The following ERBB2 variants were observed in gnomAD, a reference collection of about 807,000 sequenced individuals.
ERBB2 encodes receptor tyrosine-protein kinase erbB-2.
In ERBB2, 61 loss-of-function variants were observed where a neutral mutation model predicts 149.0. The ratio of observed to expected loss-of-function variants is 0.41; its 90% CI spans 0.33 to 0.51. The LOEUF is 0.51. Among genes scored for constraint, ERBB2 ranks in the 20% least tolerant of loss-of-function variants. The pLI, the probability that ERBB2 is intolerant of heterozygous loss-of-function variation, is 0.25. For synonymous variants in ERBB2, 633 were observed against 678.8 expected, an observed-to-expected ratio of 0.93 and a Z score of 1.05; for missense variants, 1,205 against 1,655.1, an observed-to-expected ratio of 0.73 and a Z score of 4.72.
intron 1 of ERBB2, among the ~76,000 whole-genome samples, chr17:39,700,789 G>A (rs2058059032): frequency 6.6e-6 from 1 of 152,064 alleles, no homozygotes; most frequent in South Asian, 2.1e-4. Context: ...GACGATTTTG[G>A]TTTGGTTGCT....
upstream of ERBB2, chr17:39,699,489 A>T: frequency 1.3e-6 from 2 of 1,484,896 alleles, no homozygotes; most frequent in Admixed American, 4.7e-5. Context: ...TTTCGATGTG[A>T]CTGTCTCCTC....
At chr17:39,710,235 A>C in intron 6 of ERBB2, 34 bp downstream of exon 6, 1 of 1,607,908 alleles carries the variant, frequency 6.2e-7, no homozygotes, top group Non-Finnish European at 8.5e-7. Flanking sequence ...AATGTGCTCT[A>C]CCCCCCAGGA....
At chr17:39,702,378 G>A (rs1251513783) in intron 1 of ERBB2, among the ~76,000 whole-genome samples, 2 of 152,232 alleles carry the variant, frequency 1.3e-5, no homozygotes, top group East Asian at 1.9e-4. Context: ...GAATGTGGGG[G>A]AAGGGGAGGC....
chr17:39,712,119 C>G (rs2058835929), intron 8 of ERBB2, 72 bp downstream of exon 8: 1 of 1,605,500 alleles, frequency 6.2e-7, no homozygotes, highest in Non-Finnish European at 8.5e-7. Flanking sequence ...CCCAGCCCAC[C>G]CTGTCCTATC....
intron 1 of ERBB2, among the ~76,000 whole-genome samples, chr17:39,702,001 G>A (rs1206168947): frequency 6.6e-6 from 1 of 152,176 alleles, no homozygotes; most frequent in Non-Finnish European, 1.5e-5. Flanking sequence ...TTGCTGCAGA[G>A]CTGGATTTGA....
chr17:39,706,996 C>T lies in ERBB2; in HGVS notation c.80C>T (p.Thr27Ile), dbSNP rs1365546088. ...PPGAASTQVC[T>I]GTDMKLRLPA... is the part of the protein sequence containing the mutation. ...ATCTGCTCTCTCCTGCCAGTGTGCACCGGCACAGACATGAAGCTGCGGCTC... is the reference window on the plus strand; with the variant it reads ...ATCTGCTCTCTCCTGCCAGTGTGCATCGGCACAGACATGAAGCTGCGGCTC... Residue 27 changes from threonine (T) to isoleucine (I), a missense_variant, in exon 2 of 27, where the codon ACC becomes ATC. Thr to Ile is a moderately conservative substitution (Grantham distance 89). Coordinates refer to ENST00000269571, the MANE Select transcript of ERBB2 (RefSeq NM_004448.4). The T allele has an allele frequency of 2.5e-6, 4 of 1,581,796 alleles. No homozygotes were observed. The highest frequency in any genetic ancestry group is 1.4e-5 in the African/African-American group (1 of 73,792).
At chr17:39,698,576 C>T (rs569003671), upstream of ERBB2, among the ~76,000 whole-genome samples, 5 of 151,962 alleles carry the variant, frequency 3.3e-5, no homozygotes, top group Admixed American at 1.3e-4. Context: ...AGATTTGAAC[C>T]CAGGTCCTCT....
Position 39,709,967 on chromosome 17 carries a change from G to T in ERBB2, c.643+86G>T, listed in dbSNP as rs2058700955. ...GTGTCATACAGGTGACATGGGAGGG[G>T]TGGGATAACAGGCTTGGGATGTCTC... On this transcript the variant is annotated intron_variant, in intron 5 of 26. Coordinates refer to ENST00000269571, the MANE Select transcript of ERBB2 (RefSeq NM_004448.4). 1.5e-5 allele frequency: 22 copies of T among 1,497,500 alleles called. No individual in the cohort carries two copies. In the South Asian group the frequency reaches 2.5e-4, roughly 17 times the overall value. The allele number at this position is 1,497,500 out of a possible 1,614,324, so 92.8% of individuals were successfully genotyped here.
At chr17:39,713,726 C>T (rs903068261) in intron 9 of ERBB2, among the ~76,000 whole-genome samples, 1 of 148,014 alleles carries the variant, frequency 6.8e-6, no homozygotes, top group Non-Finnish European at 1.5e-5. Flanking sequence ...GCACTCCAGC[C>T]TGGGCGACAG....
chr17:39,711,809 G>T, intron 7 of ERBB2, 119 bp from the exon 8 acceptor site: 1 of 1,196,718 alleles, frequency 8.4e-7, no homozygotes, highest in South Asian at 1.3e-5. Context: ...GTGCTGATGC[G>T]TGGTAGGGCA....
At chr17:39,695,728 C>T (rs1252817383), upstream of ERBB2, among the ~76,000 whole-genome samples, 3 of 150,510 alleles carry the variant, frequency 2.0e-5, no homozygotes, top group Non-Finnish European at 4.5e-5. Context: ...CACACACACA[C>T]ACACACACAC....
At chr17:39,709,965 G>T in intron 5 of ERBB2, 84 bp downstream of exon 5, 2 of 1,500,210 alleles carry the variant, frequency 1.3e-6, no homozygotes, top group Non-Finnish European at 1.9e-6. Flanking sequence ...GACATGGGAG[G>T]GGTGGGATAA....
upstream of ERBB2, among the ~76,000 whole-genome samples, chr17:39,691,578 C>T (rs1197346963): frequency 3.7e-5 from 5 of 136,900 alleles, no homozygotes; most frequent in South Asian, 2.3e-4. Context: ...TATATATACA[C>T]ACACACACAC....
At chr17:39,691,574 T>TATATATATATATATATATATATACAC (rs1244087250), upstream of ERBB2, among the ~76,000 whole-genome samples, 7 of 122,040 alleles carry the variant, frequency 5.7e-5, no homozygotes, top group African/African-American at 2.8e-4. Context: ...TATATATATA[T>TATATATATATATATATATATATACAC]ACACACACAC....
rs1567899573 is a variant in ERBB2 at position 39,709,721 on chromosome 17, C to T, written c.575-92C>T. The T allele has an allele frequency of 2.3e-6, 3 of 1,293,186 alleles. No individual in the cohort carries two copies. The Admixed American group carries it at 5.2e-5, about 22-fold the overall frequency. 80.1% of individuals were successfully genotyped at this position (1,293,186 alleles called of 1,614,324 possible). On this transcript the variant is annotated intron_variant, in intron 4 of 26. Transcript: ENST00000269571. Reference sequence around the variant, plus strand: ...CCTTGCTGTGCAGTTGGCCTCGTGGCCTCTGCTGCTGTTTGTGCCTCTCTC... The same window carrying T: ...CCTTGCTGTGCAGTTGGCCTCGTGGTCTCTGCTGCTGTTTGTGCCTCTCTC...
chr17:39,715,278 C>A lies in ERBB2; in HGVS notation c.1149-8C>A. On this transcript the variant is annotated splice_polypyrimidine_tract_variant and splice_region_variant and intron_variant, in intron 9 of 26. Coordinates refer to ENST00000269571, the MANE Select transcript of ERBB2 (RefSeq NM_004448.4). ...TGGCCCTGCTGACTCCTCTCCTGAC[C>A]CCTCCAGGGACCCAGCCTCCAACAC... The A allele has an allele frequency of 6.2e-7, 1 of 1,613,704 alleles. No homozygotes were observed. Among genetic ancestry groups the A allele is most frequent in the Middle Eastern group, 1.7e-4 (1 of 6,054 alleles).
At chr17:39,721,446 G>C (rs1331664599) in intron 16 of ERBB2, among the ~76,000 whole-genome samples, 2 of 152,010 alleles carry the variant, frequency 1.3e-5, no homozygotes, top group Non-Finnish European at 2.9e-5. Flanking sequence ...GCTAATTTTT[G>C]TATTTTTAGT....
chr17:39,708,156 T>C (rs919292422), intron 2 of ERBB2, 165 bp from the exon 3 acceptor site: 1 of 574,134 alleles, frequency 1.7e-6, no homozygotes, highest in African/African-American at 1.9e-5. Flanking sequence ...TGAGGCAAGG[T>C]AGGGCGTGAT....
In ERBB2 at chr17:39,700,131, C is replaced by T. The variant is rs2057993935; in HGVS notation, c.-108C>T. The T allele has an allele frequency of 1.5e-6, 2 of 1,309,846 alleles. No individual in the cohort carries two copies. Among genetic ancestry groups the T allele is most frequent in the Non-Finnish European group, 1.9e-6 (2 of 1,035,570 alleles). The allele number at this position is 1,309,846 out of a possible 1,614,324, so 81.1% of individuals were successfully genotyped here. ...AGCCGCGCGCCCCTTCCCACGGGGCCCTTTACTGCGCCGCGCGCCCGGCCC... is the reference window on the plus strand; with the variant it reads ...AGCCGCGCGCCCCTTCCCACGGGGCTCTTTACTGCGCCGCGCGCCCGGCCC... On this transcript the variant is annotated 5_prime_UTR_variant, in exon 1 of 27. Transcript: ENST00000269571.
Sources: gnomAD v4.1 joint callset for allele counts (sites outside exome capture counted in the v4.1 genomes callset) on GRCh38, gnomAD v4.1.1 for gene constraint, MANE v1.5 for transcripts, NCBI Gene and HGNC (gene_info 2026-07-23, HGNC 2026-07-21) for gene names.